SCUBE1: variants seen among roughly 807,000 people sequenced by gnomAD.
SCUBE1 encodes signal peptide, CUB domain and EGF like domain containing 1.
SCUBE1 carries 59 observed loss-of-function variants against 124.4 expected under a neutral mutation model. The ratio of observed to expected loss-of-function variants is 0.47; its 90% CI spans 0.38 to 0.59. The LOEUF (loss-of-function observed/expected upper bound fraction) is 0.59. SCUBE1 is among the 20% of genes least tolerant of loss of function. SCUBE1 has a pLI of 0.00. For synonymous variants in SCUBE1, 545 were observed against 550.9 expected (o/e 0.99, Z 0.15); for missense variants, 1,150 against 1,371.2 (o/e 0.84, Z 2.55).
rs1371252724 is a variant in SCUBE1, at chr22:43,210,513, C to T, written c.2384-273G>A. Reference sequence around the variant, plus strand: ...CTGGGCTGCCATGCCTGCAGGCCCACCCTATTTCTCTGTGGCTGGGCCTTG... The same window carrying T: ...CTGGGCTGCCATGCCTGCAGGCCCATCCTATTTCTCTGTGGCTGGGCCTTG... On this transcript the variant is annotated intron_variant, in intron 18 of 21. Transcript: ENST00000360835. This position sits in a 1 kb window ranked among gnomAD's most constrained non-coding sequence, Gnocchi z 4.5. 6.6e-6 allele frequency among the ~76,000 whole-genome samples: 1 copy of T among 152,230 alleles called. No homozygotes were observed. Among genetic ancestry groups the T allele is most frequent in the Admixed American group, 6.5e-5 (1 of 15,294 alleles).
At chr22:43,291,602 C>T (rs1407994131) in intron 3 of SCUBE1, among the ~76,000 whole-genome samples, 2 of 152,104 alleles carry the variant, frequency 1.3e-5, no homozygotes, top group African/African-American at 4.8e-5. Flanking sequence ...CGGTGGGCTC[C>T]CATGGCGCTG....
At chr22:43,311,671 C>T (rs901413919) in intron 3 of SCUBE1, among the ~76,000 whole-genome samples, 20 of 151,908 alleles carry the variant, frequency 1.3e-4, no homozygotes, top group African/African-American at 4.8e-4. Context: ...ATGTGATCCA[C>T]CCGCCTCGGT....
intron 21 of SCUBE1, 42 bp from the exon 22 acceptor site, chr22:43,204,191 C>A: frequency 6.3e-7 from 1 of 1,598,816 alleles, no homozygotes; most frequent in Non-Finnish European, 8.6e-7. Flanking sequence ...GGCTTGGGGC[C>A]TGTAGGGTCT....
chr22:43,301,083 G>A (rs767692044), intron 3 of SCUBE1, among the ~76,000 whole-genome samples: 3 of 152,198 alleles, frequency 2.0e-5, no homozygotes, highest in Non-Finnish European at 4.4e-5. Flanking sequence ...AAAACACCTG[G>A]TAGTTATTTT....
At position 43,281,487 on chromosome 22, in the gene SCUBE1, T is replaced by C. The variant is rs1223357515; in HGVS notation, c.484+9559A>G. On this transcript the variant is annotated intron_variant, in intron 4 of 21. Transcript: ENST00000360835. ...GCCACCCTCCTGTCACCTCCCTCTT[T>C]GGCCACCCTCCTGTCACCTCCTCCT... Among the ~76,000 whole-genome samples, 35 of 62,430 alleles carry C rather than the reference T, an allele frequency of 5.6e-4. 3 individuals carry two copies. The African/African-American group carries it at 6.0e-3, about 11-fold the overall frequency. 41.0% of individuals were successfully genotyped at this position (62,430 alleles called of 152,430 possible). A position where few individuals can be genotyped will look rare whatever the true frequency, so the allele number is the denominator to read the frequency against.
chr22:43,225,841 C>T (rs1222815116), intron 10 of SCUBE1, among the ~76,000 whole-genome samples: 1 of 152,096 alleles, frequency 6.6e-6, no homozygotes, highest in Non-Finnish European at 1.5e-5. Flanking sequence ...CAACGCTTTC[C>T]TGCAAAGAAT....
intron 14 of SCUBE1, among the ~76,000 whole-genome samples, chr22:43,219,616 G>GGC (rs1921998115): frequency 6.6e-6 from 1 of 152,042 alleles, no homozygotes; most frequent in Non-Finnish European, 1.5e-5. Context: ...TGGGATTACA[G>GGC]GTGCCTGCCA....
In SCUBE1 at chr22:43,342,454, G is replaced by A. The variant is rs146270745; in HGVS notation, c.88+720C>T. Among the ~76,000 whole-genome samples the A allele has an allele frequency of 6.5e-4, 98 of 151,928 alleles. 1 individual carries two copies. The East Asian group carries it at 0.017, about 26-fold the overall frequency. Reference sequence around the variant, plus strand: ...CAGACGGTCCCGGTCCCTCGTCTGCGGCTTTCCAGGTATCTCTGTCCCTCT... The same window carrying A: ...CAGACGGTCCCGGTCCCTCGTCTGCAGCTTTCCAGGTATCTCTGTCCCTCT... On this transcript the variant is annotated intron_variant, in intron 1 of 21. Coordinates refer to ENST00000360835, the MANE Select transcript of SCUBE1 (RefSeq NM_173050.5).
In SCUBE1 at chr22:43,273,577, T is replaced by TTTTTTTTTG. The variant is rs1924378143; in HGVS notation, c.485-10741_485-10733dup. 1.5e-5 allele frequency among the ~76,000 whole-genome samples: 2 copies of TTTTTTTTTG among 135,790 alleles called. 1 individual carries two copies. The highest frequency in any genetic ancestry group is 3.2e-5 in the Non-Finnish European group (2 of 62,372). 89.1% of individuals were successfully genotyped at this position (135,790 alleles called of 152,430 possible). On this transcript the variant is annotated intron_variant, in intron 4 of 21. Coordinates refer to ENST00000360835, the MANE Select transcript of SCUBE1 (RefSeq NM_173050.5). ...TAAAACCCTCTTTTTTTTTTTTTTTTTTTTTTTTGAGACAGAGTCTCACTC... is the reference window on the plus strand; with the variant it reads ...TAAAACCCTCTTTTTTTTTTTTTTTTTTTTTTTTGTTTTTTTTGAGACAGAGTCTCACTC...
chr22:43,323,085 A>T (rs933164453), intron 2 of SCUBE1, among the ~76,000 whole-genome samples: 7 of 152,198 alleles, frequency 4.6e-5, no homozygotes, highest in African/African-American at 1.7e-4. Flanking sequence ...TGCCTGTGAC[A>T]TGCCAGTCAT....
At chr22:43,209,958 A>G in intron 19 of SCUBE1, 85 bp downstream of exon 19, 7 of 1,414,252 alleles carry the variant, frequency 4.9e-6, no homozygotes, top group Non-Finnish European at 6.7e-6. Context: ...CTGTGAAGGC[A>G]GCGATCCCGC....
intron 3 of SCUBE1, among the ~76,000 whole-genome samples, chr22:43,313,804 G>A (rs535226938): frequency 2.6e-5 from 4 of 152,176 alleles, no homozygotes; most frequent in Non-Finnish European, 5.9e-5. Flanking sequence ...TCGCTTACTC[G>A]AAAGAAAAGA....
intron 4 of SCUBE1, among the ~76,000 whole-genome samples, chr22:43,276,624 G>C (rs541404494): frequency 6.6e-6 from 1 of 152,216 alleles, no homozygotes; most frequent in African/African-American, 2.4e-5. Flanking sequence ...GCATCTGCCC[G>C]GTGGTTTCCG....
At chr22:43,322,737 C>T (rs549376284) in intron 2 of SCUBE1, among the ~76,000 whole-genome samples, 16 of 152,306 alleles carry the variant, frequency 1.1e-4, no homozygotes, top group East Asian at 3.9e-4. Context: ...CCAAACAGCA[C>T]GTGCCACTAG....
intron 6 of SCUBE1, among the ~76,000 whole-genome samples, chr22:43,252,079 G>C (rs1601830158): frequency 1.3e-5 from 2 of 152,320 alleles, no homozygotes; most frequent in African/African-American, 4.8e-5. Flanking sequence ...GTCTACAATT[G>C]GTTACATGTT....
intron 4 of SCUBE1, among the ~76,000 whole-genome samples, chr22:43,279,576 A>T (rs189216069): frequency 1.3e-5 from 2 of 152,326 alleles, no homozygotes; most frequent in African/African-American, 4.8e-5. Context: ...GTGAAAAGTA[A>T]ATTTCTATCT....
chr22:43,221,087 G>A (rs2146668117), intron 13 of SCUBE1, 86 bp downstream of exon 13: 6 of 941,788 alleles, frequency 6.4e-6, no homozygotes, highest in Middle Eastern at 3.1e-4. Context: ...AACCAGACTC[G>A]CTGGACCCTG....
At chr22:43,336,733 G>C (rs1927093832) in intron 2 of SCUBE1, among the ~76,000 whole-genome samples, 1 of 152,194 alleles carries the variant, frequency 6.6e-6, no homozygotes, top group Non-Finnish European at 1.5e-5. Context: ...GGTACCCATT[G>C]CAGTCTAGCA....
chr22:43,291,965 C>T (rs965385311), intron 3 of SCUBE1, among the ~76,000 whole-genome samples: 2 of 151,868 alleles, frequency 1.3e-5, no homozygotes, highest in African/African-American at 4.8e-5. Context: ...GACCCTGAAA[C>T]CTCAGCTCTC....
Sources: gnomAD v4.1 joint callset for allele counts (sites outside exome capture counted in the v4.1 genomes callset) on GRCh38, gnomAD v4.1.1 for gene constraint, Gnocchi (gnomAD v3.1) non-coding constraint, MANE v1.5 for transcripts, NCBI Gene and HGNC (gene_info 2026-07-23, HGNC 2026-07-21) for gene names.